Variants in ITPR1 observed in about 807,000 individuals in gnomAD.
ITPR1 encodes inositol 1,4,5-trisphosphate receptor type 1, also known as inositol 1,4,5-trisphosphate-gated calcium channel ITPR1.
A neutral mutation model predicts 318.4 loss-of-function variants in ITPR1; 96 were observed. The observed-to-expected ratio is 0.30, with a 90% CI of 0.26 to 0.36. The LOEUF (loss-of-function observed/expected upper bound fraction) is 0.36. ITPR1 is among the 10% of genes least tolerant of loss of function. The pLI is 1.00. For missense variants in ITPR1, 2,440 were observed against 3,460.2 expected, an observed-to-expected ratio of 0.71 and a Z score of 7.40; for synonymous variants, 1,312 against 1,289.9, an observed-to-expected ratio of 1.02 and a Z score of -0.37.
chr3:4,746,375 C>T (rs1319983083), intron 44 of ITPR1, among the ~76,000 whole-genome samples: 3 of 152,214 alleles, frequency 2.0e-5, no homozygotes, highest in African/African-American at 4.8e-5. Flanking sequence ...ACTCACTCCC[C>T]TACGCTTATT....
intron 4 of ITPR1, among the ~76,000 whole-genome samples, chr3:4,548,573 C>T (rs1354800332): frequency 6.6e-6 from 1 of 152,112 alleles, no homozygotes; most frequent in African/African-American, 2.4e-5. Flanking sequence ...GATGAATGAA[C>T]TCTTTGTCCT....
chr3:4,742,889 G>A (rs1575091563), intron 44 of ITPR1, among the ~76,000 whole-genome samples: 1 of 152,230 alleles, frequency 6.6e-6, no homozygotes, highest in Admixed American at 6.5e-5. Flanking sequence ...CCTGGGGGAC[G>A]CTCTGTCTTA....
chr3:4,744,808 A>G (rs976605054), intron 44 of ITPR1, among the ~76,000 whole-genome samples: 2 of 152,158 alleles, frequency 1.3e-5, no homozygotes, highest in Admixed American at 6.5e-5. Context: ...GTCCCAAGAT[A>G]TGTTGGCCAC....
In ITPR1 at chr3:4,493,441, CAG is replaced by C. The variant is rs1271324319; in HGVS notation, c.-256_-255del. On this transcript the variant is annotated 5_prime_UTR_variant, in exon 1 of 62. Coordinates refer to ENST00000649015, the MANE Select transcript of ITPR1 (RefSeq NM_001378452.1). ...GAGGAGGTGGTGGTGGAGGAGGAGG[CAG>C]GGGGTGGAGAGAGAGAAAGCGCACG... 1 of 154,552 alleles carries C rather than the reference CAG, an allele frequency of 6.5e-6. No homozygotes were observed. Among genetic ancestry groups the C allele is most frequent in the Non-Finnish European group, 1.5e-5 (1 of 68,736 alleles). The allele number at this position is 154,552 out of a possible 1,614,324, so 9.6% of individuals were successfully genotyped here.
intron 12 of ITPR1, 26 bp downstream of exon 12, chr3:4,653,912 T>A: frequency 6.4e-7 from 1 of 1,570,602 alleles, no homozygotes; most frequent in Non-Finnish European, 8.7e-7. Flanking sequence ...AGCCTTCTTG[T>A]CTTCATCTGG....
intron 54 of ITPR1, among the ~76,000 whole-genome samples, chr3:4,804,787 T>C (rs907514139): frequency 5.3e-5 from 8 of 152,210 alleles, no homozygotes; most frequent in African/African-American, 1.9e-4. Context: ...ATGCTTAGCC[T>C]GTCTGAGAAA....
At chr3:4,590,174 CTTTTT>C (rs10713337) in intron 4 of ITPR1, among the ~76,000 whole-genome samples, 2 of 87,456 alleles carry the variant, frequency 2.3e-5, no homozygotes, top group Non-Finnish European at 4.3e-5. Context: ...CTTCGTCTTG[CTTTTT>C]TTTTTTTTTT....
intron 5 of ITPR1, among the ~76,000 whole-genome samples, chr3:4,632,391 C>A (rs749976491): frequency 6.6e-6 from 1 of 152,090 alleles, no homozygotes; most frequent in Non-Finnish European, 1.5e-5. Flanking sequence ...CTTGGCCATA[C>A]GGGAAATCAA....
At chr3:4,756,699 T>A (rs1037503830) in intron 44 of ITPR1, among the ~76,000 whole-genome samples, 4 of 152,088 alleles carry the variant, frequency 2.6e-5, no homozygotes, top group African/African-American at 9.7e-5. Context: ...AAAAAAAAAA[T>A]TCTACATTGT....
intron 3 of ITPR1, among the ~76,000 whole-genome samples, chr3:4,519,648 A>G (rs1186583617): frequency 1.3e-5 from 2 of 152,140 alleles, no homozygotes; most frequent in East Asian, 1.9e-4. Context: ...TTATATATGT[A>G]TATTCTGCTC....
At chr3:4,589,193 T>C (rs1395258770) in intron 4 of ITPR1, among the ~76,000 whole-genome samples, 1 of 152,172 alleles carries the variant, frequency 6.6e-6, no homozygotes, top group South Asian at 2.1e-4. Context: ...TATATGTGTA[T>C]ATAAAACTGC....
intron 19 of ITPR1, among the ~76,000 whole-genome samples, chr3:4,669,992 G>A (rs2094038478): frequency 6.6e-6 from 1 of 152,182 alleles, no homozygotes; most frequent in Admixed American, 6.5e-5. Flanking sequence ...TTGCATACAA[G>A]TTTAGAAGTC....
intron 52 of ITPR1, among the ~76,000 whole-genome samples, chr3:4,792,912 C>A (rs1478586274): frequency 6.6e-6 from 1 of 152,100 alleles, no homozygotes; most frequent in Non-Finnish European, 1.5e-5. Flanking sequence ...TAAATTGACA[C>A]AAAGCGAGTG....
chr3:4,741,970 C>T (rs1417154110), intron 44 of ITPR1, among the ~76,000 whole-genome samples: 1 of 152,116 alleles, frequency 6.6e-6, no homozygotes, highest in East Asian at 1.9e-4. Flanking sequence ...GGTTCGAGAG[C>T]TGTTGGCATT....
At chr3:4,719,265 C>G (rs943656238) in intron 40 of ITPR1, among the ~76,000 whole-genome samples, 1 of 152,258 alleles carries the variant, frequency 6.6e-6, no homozygotes, top group Non-Finnish European at 1.5e-5. Flanking sequence ...GGATCCCCTT[C>G]TGCGTTGTTC....
At chr3:4,497,758 C>G (rs1310318066) in intron 2 of ITPR1, among the ~76,000 whole-genome samples, 1 of 152,134 alleles carries the variant, frequency 6.6e-6, no homozygotes, top group Non-Finnish European at 1.5e-5. Context: ...TATTTGTACA[C>G]CTGTGTCAGT....
At chr3:4,601,745 ACTGT>A (rs1164648091) in intron 4 of ITPR1, among the ~76,000 whole-genome samples, 6 of 152,242 alleles carry the variant, frequency 3.9e-5, no homozygotes, top group African/African-American at 1.4e-4. Context: ...TTCAAAGGAT[ACTGT>A]CTAGTGAAGA....
intron 48 of ITPR1, among the ~76,000 whole-genome samples, chr3:4,778,914 A>G (rs1218066906): frequency 6.6e-6 from 1 of 152,252 alleles, no homozygotes; most frequent in Non-Finnish European, 1.5e-5. Flanking sequence ...CAGGGCCTAA[A>G]ATGAAGTCAA....
intron 4 of ITPR1, among the ~76,000 whole-genome samples, chr3:4,570,850 C>G (rs2087895794): frequency 6.6e-6 from 1 of 152,202 alleles, no homozygotes; most frequent in African/African-American, 2.4e-5. Context: ...TTATCTTTGA[C>G]ACATAGCAGT....
Sources: allele counts gnomAD v4.1 joint callset (sites outside exome capture counted in the v4.1 genomes callset), GRCh38; gene constraint gnomAD v4.1.1; transcripts MANE v1.5; gene names NCBI Gene and HGNC (gene_info 2026-07-23, HGNC 2026-07-21).